Variants in XRCC4 observed in about 807,000 individuals in gnomAD.
The protein encoded by XRCC4 is X-ray repair cross complementing 4.
In XRCC4, 28 loss-of-function variants were observed where a neutral mutation model predicts 39.1. The ratio of observed to expected loss-of-function variants is 0.72; its 90% confidence interval spans 0.53 to 0.98. XRCC4 has a LOEUF of 0.98. Ranked by LOEUF, XRCC4 falls within the 50% of genes least tolerant of loss-of-function variation. The pLI is 0.00. For synonymous variants in XRCC4, 123 were observed against 126.4 expected (o/e 0.97, Z 0.18); for missense variants, 350 against 376.4 (o/e 0.93, Z 0.58).
At chr5:83,332,266 CAGAA>C (rs1432681990) in intron 7 of XRCC4, among the ~76,000 whole-genome samples, 3 of 146,154 alleles carry the variant, frequency 2.1e-5, no homozygotes, top group Middle Eastern at 3.2e-3. Flanking sequence ...CACACACACA[CAGAA>C]AGAGAGAGAG....
chr5:83,371,050 CT>C, the XRCC4 span, among the ~76,000 whole-genome samples: 2 of 152,188 alleles, frequency 1.3e-5, no homozygotes, highest in African/African-American at 4.8e-5. Flanking sequence ...GTATTCTCCT[CT>C]TTGTCATCCA....
intron 6 of XRCC4, among the ~76,000 whole-genome samples, chr5:83,230,393 A>G (rs955797729): frequency 2.6e-5 from 4 of 152,040 alleles, no homozygotes; most frequent in African/African-American, 9.7e-5. Flanking sequence ...AAAGAAAATT[A>G]GGCTTTGCCA....
At chr5:83,303,002 C>A (rs550908963) in intron 7 of XRCC4, among the ~76,000 whole-genome samples, 108 of 152,240 alleles carry the variant, frequency 7.1e-4, no homozygotes, top group Non-Finnish European at 1.2e-3. Context: ...CACTTGAGGT[C>A]AGGAGTTCGA....
chr5:83,274,664 G>A (rs1300712515), intron 7 of XRCC4, among the ~76,000 whole-genome samples: 2 of 152,164 alleles, frequency 1.3e-5, no homozygotes, highest in African/African-American at 4.8e-5. Flanking sequence ...TGGCATTTAA[G>A]CTGAGCCTAA....
chr5:83,359,191 T>C, the XRCC4 span, among the ~76,000 whole-genome samples: 1 of 152,078 alleles, frequency 6.6e-6, no homozygotes, highest in African/African-American at 2.4e-5. Context: ...GAAGCAGGGG[T>C]GCCAGTTACA....
intron 6 of XRCC4, 117 bp downstream of exon 6, chr5:83,205,038 T>G (rs1751366015): frequency 3.0e-6 from 2 of 676,554 alleles, no homozygotes; most frequent in Admixed American, 6.2e-5. Context: ...TGAAAATTCT[T>G]TAGCATTTTT....
chr5:83,180,402 C>T (rs1750152756), intron 3 of XRCC4, among the ~76,000 whole-genome samples: 1 of 152,064 alleles, frequency 6.6e-6, no homozygotes, highest in Admixed American at 6.6e-5. Flanking sequence ...TATGAAATGA[C>T]AAGGCTGAGC....
Position 83,220,159 on chromosome 5 carries a change from G to T in XRCC4, c.745+15238G>T, listed in dbSNP as rs568670106. On this transcript the variant is annotated intron_variant, in intron 6 of 7. Coordinates refer to ENST00000396027, the MANE Select transcript of XRCC4 (RefSeq NM_003401.5). ...TTTACTACAATTAATCAATTTTTTT[G>T]ATTAATTATAGTAAAACTGACTTAA... is the stretch of plus-strand genomic sequence containing the variant. Among the ~76,000 whole-genome samples the T allele has an allele frequency of 3.9e-5, 6 of 152,026 alleles. No individual in the cohort carries two copies. In the East Asian group the frequency reaches 1.2e-3, roughly 29 times the overall value.
intron 6 of XRCC4, among the ~76,000 whole-genome samples, chr5:83,255,717 G>C (rs1484735593): frequency 6.6e-6 from 1 of 151,774 alleles, no homozygotes; most frequent in Non-Finnish European, 1.5e-5. Context: ...CTATAGGTTT[G>C]AAAAAAAATT....
intron 7 of XRCC4, among the ~76,000 whole-genome samples, chr5:83,296,559 A>T (rs1024169879): frequency 5.9e-4 from 90 of 152,226 alleles, no homozygotes; most frequent in African/African-American, 2.1e-3. Flanking sequence ...CCATTTATGG[A>T]CTTTAACTCA....
At chr5:83,310,823 G>A (rs768121949) in intron 7 of XRCC4, 38 of 456,510 alleles carry the variant, frequency 8.3e-5, no homozygotes, top group African/African-American at 1.4e-4. Context: ...GAAAGAGGCC[G>A]TGTGATGGAA....
chr5:83,099,672 G>A (rs779145428), intron 1 of XRCC4, among the ~76,000 whole-genome samples: 1 of 152,056 alleles, frequency 6.6e-6, no homozygotes, highest in Non-Finnish European at 1.5e-5. Flanking sequence ...TACAAATTGG[G>A]GTGGGACCCA....
intron 3 of XRCC4, among the ~76,000 whole-genome samples, chr5:83,183,522 C>A (rs933273686): frequency 2.0e-5 from 3 of 150,150 alleles, no homozygotes; most frequent in Non-Finnish European, 4.4e-5. Flanking sequence ...TAGAGTGTGT[C>A]CTCTCAGGAA....
chr5:83,132,420 G>A (rs1747643208), intron 3 of XRCC4, among the ~76,000 whole-genome samples: 1 of 152,212 alleles, frequency 6.6e-6, no homozygotes, highest in Non-Finnish European at 1.5e-5. Flanking sequence ...GAATTTGAAT[G>A]TTGGCCTTCC....
intron 7 of XRCC4, among the ~76,000 whole-genome samples, chr5:83,334,090 GTTTATA>G (rs1427156448): frequency 3.3e-5 from 5 of 151,756 alleles, no homozygotes; most frequent in Admixed American, 6.6e-5. Flanking sequence ...TTCTTTCCAG[GTTTATA>G]TTTATAGGAA....
At chr5:83,266,223 G>A (rs1243049371) in intron 7 of XRCC4, among the ~76,000 whole-genome samples, 2 of 150,976 alleles carry the variant, frequency 1.3e-5, no homozygotes, top group Non-Finnish European at 3.0e-5. Flanking sequence ...TTATGGTTCA[G>A]TATTAAAGGA....
intron 7 of XRCC4, among the ~76,000 whole-genome samples, chr5:83,323,808 A>G (rs1215698336): frequency 6.6e-6 from 1 of 152,110 alleles, no homozygotes; most frequent in African/African-American, 2.4e-5. Context: ...TAATTTCACT[A>G]TTTGAGGAAG....
intron 7 of XRCC4, among the ~76,000 whole-genome samples, chr5:83,345,241 T>A (rs1756883343): frequency 6.6e-6 from 1 of 152,174 alleles, no homozygotes; most frequent in African/African-American, 2.4e-5. Flanking sequence ...TGTATCAATC[T>A]TTATCTTAAT....
At chr5:83,331,759 A>G (rs1321974465) in intron 7 of XRCC4, among the ~76,000 whole-genome samples, 1 of 152,138 alleles carries the variant, frequency 6.6e-6, no homozygotes, top group East Asian at 1.9e-4. Context: ...TGTAAACTTT[A>G]TTGGCACAAC....
Sources: gnomAD v4.1 joint callset for allele counts (sites outside exome capture counted in the v4.1 genomes callset) on GRCh38, gnomAD v4.1.1 for gene constraint, MANE v1.5 for transcripts, NCBI Gene and HGNC (gene_info 2026-07-23, HGNC 2026-07-21) for gene names.